Variants in DNAH2 observed in about 807,000 individuals in gnomAD.
The protein encoded by DNAH2 is dynein axonemal heavy chain 2.
In DNAH2, 323 loss-of-function variants were observed where a neutral mutation model predicts 523.5. That is an observed-to-expected ratio of 0.62 (90% confidence interval 0.56 to 0.68). The LOEUF (loss-of-function observed/expected upper bound fraction) is 0.68. Among genes scored for constraint, DNAH2 ranks in the 30% least tolerant of loss-of-function variants. The pLI, the probability that DNAH2 is intolerant of heterozygous loss-of-function variation, is 0.00. For synonymous variants in DNAH2, 2,093 were observed against 2,177.4 expected (o/e 0.96, Z 1.08); for missense variants, 4,907 against 5,701.5 (o/e 0.86, Z 4.49).
Position 7,792,289 on chromosome 17 carries a change from G to T in DNAH2, c.7091G>T (p.Arg2364Leu), listed in dbSNP as rs761361398. 1 of 1,614,002 alleles carries T rather than the reference G, an allele frequency of 6.2e-7. No individual in the cohort carries two copies. The highest frequency in any genetic ancestry group is 8.5e-7 in the Non-Finnish European group (1 of 1,179,990). ...VYEYFVDPKIRSWTSFEDKLP... is the reference protein window; with the variant it reads ...VYEYFVDPKILSWTSFEDKLP... ...GAGTATTTTGTGGACCCCAAAATACGGAGTTGGACATCATTTGAGGACAAG... is the reference window on the plus strand; with the variant it reads ...GAGTATTTTGTGGACCCCAAAATACTGAGTTGGACATCATTTGAGGACAAG... Residue 2364 changes from arginine (R) to leucine (L), a missense_variant, in exon 46 of 86, where the codon CGG (arginine) becomes CTG (leucine). Transcript: ENST00000572933.
At chr17:7,792,387 A>G (rs750468828) in intron 46 of DNAH2, 44 bp downstream of exon 46, 1 of 1,590,868 alleles carries the variant, frequency 6.3e-7, no homozygotes, top group Non-Finnish European at 8.6e-7. Flanking sequence ...GGGCAGCGGT[A>G]GGTGGGGGAT....
At chr17:7,765,683 G>A (rs1043736101) in intron 21 of DNAH2, 118 bp downstream of exon 21, 2 of 1,197,476 alleles carry the variant, frequency 1.7e-6, no homozygotes, top group Non-Finnish European at 2.3e-6. Context: ...GTGCTGGGGT[G>A]GGGGAAGAGC....
intron 73 of DNAH2, 97 bp from the exon 74 acceptor site, chr17:7,823,345 T>TAAAG: frequency 5.9e-6 from 6 of 1,009,674 alleles, no homozygotes; most frequent in Non-Finnish European, 8.1e-6. Context: ...GAGAGAAAAA[T>TAAAG]ACAGAGAGAG....
chr17:7,797,652 ACT>A, intron 52 of DNAH2, 26 bp from the exon 53 acceptor site: 1 of 1,613,694 alleles, frequency 6.2e-7, no homozygotes, highest in East Asian at 2.2e-5. Flanking sequence ...GGCATTTGTG[ACT>A]CTGATCCCCT....
chr17:7,740,976 T>G lies in DNAH2; in HGVS notation c.1673T>G (p.Ile558Ser), dbSNP rs1191566511. 4.4e-6 allele frequency: 7 copies of G among 1,603,564 alleles called. No individual in the cohort carries two copies. The highest frequency in any genetic ancestry group is 5.1e-6 in the Non-Finnish European group (6 of 1,171,918). Residue 558 changes from isoleucine (I) to serine (S), a missense_variant, in exon 11 of 86, where the codon ATC (isoleucine) becomes AGC (serine). Coordinates refer to ENST00000572933, the MANE Select transcript of DNAH2 (RefSeq NM_020877.5). ...TGGGTGCACATCCTCCGGCGTCGCA[T>G]CGACAGAGTCATGACCGTAAGTGCC... ...ARWVHILRRR[I>S]DRVMTCLAGA...
intron 28 of DNAH2, among the ~76,000 whole-genome samples, chr17:7,771,909 G>A (rs987323497): frequency 3.3e-5 from 5 of 151,960 alleles, no homozygotes; most frequent in African/African-American, 1.2e-4. Flanking sequence ...TAGAGATGGC[G>A]TTTCACCAAG....
intron 3 of DNAH2, 116 bp from the exon 4 acceptor site, chr17:7,727,006 A>G: frequency 8.5e-7 from 1 of 1,181,490 alleles, no homozygotes; most frequent in Non-Finnish European, 1.1e-6. Context: ...TCTCCTAACC[A>G]TTCTGAACCT....
chr17:7,800,389 G>A (rs750757846), intron 56 of DNAH2, among the ~76,000 whole-genome samples: 5 of 152,020 alleles, frequency 3.3e-5, no homozygotes, highest in Non-Finnish European at 5.9e-5. Flanking sequence ...TTCACTTAGC[G>A]TATTGTCCTC....
In DNAH2 at chr17:7,787,906, C is replaced by G; in HGVS notation, c.6650C>G (p.Ala2217Gly). The G allele has an allele frequency of 6.2e-7, 1 of 1,614,132 alleles. No homozygotes were observed. ...EVEDLAMASP[A>G]TVSRCGMVYT... ...GAGGACCTGGCAATGGCCTCTCCGG[C>G]CACTGTATCCCGCTGCGGGATGGTC... is the stretch of plus-strand genomic sequence containing the variant. Residue 2217 changes from alanine to glycine, a missense_variant, in exon 43 of 86, where the codon GCC becomes GGC. Physicochemically the swap from Ala to Gly is moderately conservative, Grantham distance 60. Transcript: ENST00000572933.
intron 2 of DNAH2, among the ~76,000 whole-genome samples, chr17:7,722,958 T>TCTTTC (rs1567597333): frequency 6.7e-6 from 1 of 149,652 alleles, no homozygotes; most frequent in African/African-American, 2.5e-5. Flanking sequence ...TCTTTTCTTT[T>TCTTTC]CTTTCCTTTT....
In DNAH2 at chr17:7,823,532, A is replaced by G; in HGVS notation, c.11233A>G (p.Thr3745Ala). The change falls in exon 74 of 86, where the codon ACC (threonine) becomes GCC (alanine). Residue 3745 changes from threonine (T) to alanine (A), a missense_variant. Physicochemically the swap from Thr to Ala is moderately conservative, Grantham distance 58 (BLOSUM62 0). Around this residue, in one of 3 missense-constraint regions of DNAH2, gnomAD observed 1,851 missense variants for 2,139.4 expected, o/e 0.87. Transcript: ENST00000572933. Reference protein sequence around the residue: ...WDNITELDKLTNFHGLMNSFE... With the variant: ...WDNITELDKLANFHGLMNSFE... ...TAACATCACAGAGCTAGACAAACTG[A>G]CCAACTTCCACGGACTCATGAACTC... is the stretch of plus-strand genomic sequence containing the variant. The G allele has an allele frequency of 6.2e-7, 1 of 1,614,114 alleles. No homozygotes were observed. The highest frequency in any genetic ancestry group is 1.3e-5 in the African/African-American group (1 of 75,016).
At position 7,798,593 on chromosome 17, in the gene DNAH2, C is replaced by A. The variant is rs2077134269; in HGVS notation, c.8434C>A (p.Leu2812Ile). 2 of 1,614,154 alleles carry A rather than the reference C, an allele frequency of 1.2e-6. No individual in the cohort carries two copies. Among genetic ancestry groups the A allele is most frequent in the Admixed American group, 1.7e-5 (1 of 60,016 alleles). Residue 2812 changes from leucine (L) to isoleucine (I), a missense_variant, in exon 55 of 86, where the codon CTC becomes ATC. Around this residue, in one of 3 missense-constraint regions of DNAH2, gnomAD observed 1,851 missense variants for 2,139.4 expected, o/e 0.87. Coordinates refer to ENST00000572933, the MANE Select transcript of DNAH2 (RefSeq NM_020877.5). This position sits in a 1 kb window ranked among gnomAD's most constrained non-coding sequence, Gnocchi z 5.5. Reference protein sequence around the residue: ...KRLYRQAGVELKTTSFIFVDT... With the variant: ...KRLYRQAGVEIKTTSFIFVDT... ...TCTGTATCGCCAGGCTGGGGTGGAG[C>A]TCAAGACCACGTCCTTCATTTTTGT...
chr17:7,792,332 C>A lies in DNAH2; in HGVS notation c.7134C>A (p.Arg2378=). 6.2e-7 allele frequency: 1 copy of A among 1,614,042 alleles called. No homozygotes were observed. Among genetic ancestry groups the A allele is most frequent in the Non-Finnish European group, 8.5e-7 (1 of 1,180,002 alleles). Residue 2378 remains arginine (R), a synonymous_variant, in exon 46 of 86, where the codon CGC becomes CGA. Coordinates refer to ENST00000572933, the MANE Select transcript of DNAH2 (RefSeq NM_020877.5). ...SFEDKLPKSW[R]YPPNAPFYKI... ...AGGACAAGCTCCCTAAGAGTTGGCG[C>A]TACCCTCCAAAGTAAGAGCTGGGCC...
chr17:7,805,677 C>T (rs2077348954), intron 61 of DNAH2, among the ~76,000 whole-genome samples: 1 of 151,958 alleles, frequency 6.6e-6, no homozygotes, highest in African/African-American at 2.4e-5. Flanking sequence ...ATGACGAAAA[C>T]CCATCTCTAC....
rs762420947 is a variant in DNAH2 at position 7,740,949 on chromosome 17, G to T, written c.1646G>T (p.Arg549Leu). The T allele has an allele frequency of 4.3e-6, 7 of 1,611,548 alleles. No individual in the cohort carries two copies. The East Asian group carries it at 6.7e-5, about 15-fold the overall frequency. The change falls in exon 11 of 86, where the codon CGC becomes CTC. Residue 549 changes from arginine to leucine, a missense_variant. Transcript: ENST00000572933. ...PYVAQYSGKARWVHILRRRID... is the reference protein window; with the variant it reads ...PYVAQYSGKALWVHILRRRID... ...GTGGCCCAGTATTCCGGAAAGGCGC[G>T]CTGGGTGCACATCCTCCGGCGTCGC...
chr17:7,759,669 C>G lies in DNAH2; in HGVS notation c.2637+59C>G, dbSNP rs2151196094. The G allele has an allele frequency of 3.1e-6, 5 of 1,600,534 alleles. No individual in the cohort carries two copies. The African/African-American group carries it at 6.7e-5, about 21-fold the overall frequency. ...CATTGCATCTTATTTGTCAGTTTCC[C>G]TTAATTCCTAAACTTGGTCCTTGGC... On this transcript the variant is annotated intron_variant, in intron 16 of 85. Coordinates refer to ENST00000572933, the MANE Select transcript of DNAH2 (RefSeq NM_020877.5).
rs751802809 is a variant in DNAH2 at position 7,740,448 on chromosome 17, G to A, written c.1405G>A (p.Val469Met). ...CCGTGCCGGAATCAAGGACCTGGAG[G>A]TGATGACCCAGAACCTGATCACCTC... Reference protein sequence around the residue: ...KFRAGIKDLEVMTQNLITSAF... With the variant: ...KFRAGIKDLEMMTQNLITSAF... Residue 469 changes from valine to methionine, a missense_variant, in exon 10 of 86, where the codon GTG becomes ATG. Physicochemically the swap from Val to Met is conservative, Grantham distance 21. Transcript: ENST00000572933. 1 of 1,614,210 alleles carries A rather than the reference G, an allele frequency of 6.2e-7. No individual in the cohort carries two copies.
At chr17:7,808,434 C>A (rs568604985) in intron 63 of DNAH2, among the ~76,000 whole-genome samples, 1 of 151,646 alleles carries the variant, frequency 6.6e-6, no homozygotes, top group African/African-American at 2.4e-5. Context: ...TGGGCAAGTG[C>A]CATTATCAAA....
At chr17:7,813,907 CAA>C (rs371725781) in intron 63 of DNAH2, among the ~76,000 whole-genome samples, 95 of 105,754 alleles carry the variant, frequency 9.0e-4, no homozygotes, top group Admixed American at 2.5e-3. Context: ...GACTCTGTCT[CAA>C]AAAAAAAAAA....
Sources: allele counts gnomAD v4.1 joint callset (sites outside exome capture counted in the v4.1 genomes callset), GRCh38; gene constraint gnomAD v4.1.1; regional missense constraint gnomAD v4.1.1; non-coding constraint Gnocchi (gnomAD v3.1); transcripts MANE v1.5; gene names NCBI Gene and HGNC (gene_info 2026-07-23, HGNC 2026-07-21).